Variants in GALNTL6 observed in about 807,000 individuals in gnomAD.
GALNTL6 encodes the protein polypeptide N-acetylgalactosaminyltransferase-like 6.
In GALNTL6, 46 loss-of-function variants were observed where a neutral mutation model predicts 73.7. The ratio of observed to expected loss-of-function variants is 0.62; its 90% CI spans 0.49 to 0.80. The LOEUF (loss-of-function observed/expected upper bound fraction) is 0.80, where lower values mean the gene tolerates loss of function less well. GALNTL6 is among the 30% of genes least tolerant of loss of function. The probability of loss-of-function intolerance (pLI) is 0.00; values close to 1 mark genes in which losing one functional copy is unlikely to be tolerated. For missense variants in GALNTL6, 604 were observed against 755.0 expected (o/e 0.80, Z 2.34); for synonymous variants, 259 against 263.7 (o/e 0.98, Z 0.17).
intron 2 of GALNTL6, among the ~76,000 whole-genome samples, chr4:171,912,174 A>C (rs116038862): frequency 1.4e-4 from 22 of 152,294 alleles, no homozygotes; most frequent in African/African-American, 5.3e-4. Flanking sequence ...TTTTCTGCTA[A>C]GATGCTAAAG....
intron 5 of GALNTL6, among the ~76,000 whole-genome samples, chr4:172,758,305 C>T (rs1032314186): frequency 6.6e-6 from 1 of 152,154 alleles, no homozygotes; most frequent in Non-Finnish European, 1.5e-5. Context: ...GAGGCCAAGG[C>T]AGGTGGATCA....
chr4:172,354,870 C>T (rs1490352097), intron 5 of GALNTL6, among the ~76,000 whole-genome samples: 1 of 152,068 alleles, frequency 6.6e-6, no homozygotes, highest in African/African-American at 2.4e-5. Context: ...TATTGAGTCT[C>T]ACCTTTGCCT....
At chr4:171,998,286 A>C (rs2110752832) in intron 2 of GALNTL6, among the ~76,000 whole-genome samples, 1 of 152,288 alleles carries the variant, frequency 6.6e-6, no homozygotes, top group Non-Finnish European at 1.5e-5. Context: ...ATCTATTTTA[A>C]GAAATTGGTT....
intron 5 of GALNTL6, among the ~76,000 whole-genome samples, chr4:172,566,479 A>T (rs1042389258): frequency 6.6e-6 from 1 of 152,168 alleles, no homozygotes; most frequent in African/African-American, 2.4e-5. Flanking sequence ...AATTTAAAAA[A>T]TACCTTGATG....
chr4:172,747,662 C>A (rs1271379351), intron 5 of GALNTL6, among the ~76,000 whole-genome samples: 2 of 152,038 alleles, frequency 1.3e-5, no homozygotes, highest in Non-Finnish European at 2.9e-5. Context: ...AATCTCATTA[C>A]TGGATATATA....
intron 2 of GALNTL6, among the ~76,000 whole-genome samples, chr4:171,835,025 TGACA>T (rs540378801): frequency 1.0e-3 from 157 of 152,134 alleles, no homozygotes; most frequent in Non-Finnish European, 1.8e-3. Context: ...TACCACTTAT[TGACA>T]GACAAAGAAC....
chr4:172,582,847 T>C (rs1737245945), intron 5 of GALNTL6, among the ~76,000 whole-genome samples: 1 of 151,898 alleles, frequency 6.6e-6, no homozygotes, highest in African/African-American at 2.4e-5. Context: ...ATGTTTATGA[T>C]TGAATACCCT....
intron 5 of GALNTL6, among the ~76,000 whole-genome samples, chr4:172,801,057 AC>A (rs1740612886): frequency 1.3e-5 from 2 of 152,332 alleles, no homozygotes; most frequent in African/African-American, 4.8e-5. Context: ...GAAACATCAG[AC>A]AAAACCAGTT....
intron 2 of GALNTL6, among the ~76,000 whole-genome samples, chr4:172,194,575 C>G (rs1022844284): frequency 1.3e-5 from 2 of 152,120 alleles, no homozygotes; most frequent in Non-Finnish European, 2.9e-5. Flanking sequence ...AAAGCGAAGC[C>G]CATCAGACTA....
chr4:172,596,568 G>A (rs1259233340), intron 5 of GALNTL6, among the ~76,000 whole-genome samples: 1 of 152,008 alleles, frequency 6.6e-6, no homozygotes, highest in Non-Finnish European at 1.5e-5. Flanking sequence ...TTTATTCAGA[G>A]CCTGCATGAA....
At chr4:172,294,202 T>C (rs2111106259) in intron 3 of GALNTL6, among the ~76,000 whole-genome samples, 2 of 152,196 alleles carry the variant, frequency 1.3e-5, no homozygotes, top group South Asian at 4.1e-4. Flanking sequence ...TAATCTTTTT[T>C]ATTTTGATGC....
intron 8 of GALNTL6, among the ~76,000 whole-genome samples, chr4:172,901,737 G>A (rs1464008447): frequency 6.6e-6 from 1 of 152,098 alleles, no homozygotes; most frequent in African/African-American, 2.4e-5. Context: ...TATTTGACTA[G>A]GAGTGCTCTT....
intron 5 of GALNTL6, among the ~76,000 whole-genome samples, chr4:172,588,352 G>T (rs1240303523): frequency 6.6e-6 from 1 of 152,002 alleles, no homozygotes; most frequent in Admixed American, 6.6e-5. Context: ...CCAGCACTTT[G>T]AGAGGCCGAA....
chr4:172,842,422 G>A (rs950223773), intron 7 of GALNTL6, among the ~76,000 whole-genome samples: 1 of 152,228 alleles, frequency 6.6e-6, no homozygotes, highest in Admixed American at 6.5e-5. Flanking sequence ...AGGGCTTCCT[G>A]AAGGTCTACT....
chr4:172,144,817 G>A (rs1733888281), intron 2 of GALNTL6, among the ~76,000 whole-genome samples: 1 of 152,098 alleles, frequency 6.6e-6, no homozygotes, highest in Non-Finnish European at 1.5e-5. Flanking sequence ...ATGCATACAT[G>A]CTTATAGGTA....
intron 10 of GALNTL6, among the ~76,000 whole-genome samples, chr4:172,981,933 A>G (rs187204292): frequency 6.6e-6 from 1 of 151,144 alleles, no homozygotes; most frequent in Admixed American, 6.6e-5. Flanking sequence ...AGTAGCTGGG[A>G]TTACAGGCAT....
intron 2 of GALNTL6, among the ~76,000 whole-genome samples, chr4:171,937,377 C>T (rs77905431): frequency 0.042 from 6,462 of 152,082 alleles, 396 homozygotes; most frequent in African/African-American, 0.14. Context: ...CAATTCTTAA[C>T]TCATAGATAA....
intron 2 of GALNTL6, among the ~76,000 whole-genome samples, chr4:171,877,184 G>A (rs1263465405): frequency 6.6e-6 from 1 of 152,062 alleles, no homozygotes; most frequent in African/African-American, 2.4e-5. Flanking sequence ...ATTTCTCTCA[G>A]AGGTCCATAG....
At chr4:172,653,158 T>G (rs1216804959) in intron 5 of GALNTL6, among the ~76,000 whole-genome samples, 2 of 151,898 alleles carry the variant, frequency 1.3e-5, no homozygotes, top group South Asian at 2.1e-4. Flanking sequence ...TGCGACTTTC[T>G]TCAACAAATT....
Sources: gnomAD v4.1 joint callset for allele counts (sites outside exome capture counted in the v4.1 genomes callset) on GRCh38, gnomAD v4.1.1 for gene constraint, MANE v1.5 for transcripts, NCBI Gene and HGNC (gene_info 2026-07-23, HGNC 2026-07-21) for gene names.